The following USH2A variants were observed in gnomAD, a reference collection of about 807,000 sequenced individuals.
USH2A encodes usherin.
A neutral mutation model predicts 538.9 loss-of-function variants in USH2A; 443 were observed. That is an observed-to-expected ratio of 0.82 (90% confidence interval 0.76 to 0.89). The LOEUF (loss-of-function observed/expected upper bound fraction) is 0.89. USH2A is among the 40% of genes least tolerant of loss of function. The pLI is 0.00. For synonymous variants in USH2A, 2,413 were observed against 2,273.5 expected (o/e 1.06, Z -1.75); for missense variants, 6,633 against 6,324.8 (o/e 1.05, Z -1.65).
At chr1:216,167,590 C>T (rs1386124608) in intron 21 of USH2A, among the ~76,000 whole-genome samples, 1 of 152,034 alleles carries the variant, frequency 6.6e-6, no homozygotes, top group Non-Finnish European at 1.5e-5. Flanking sequence ...CGTGGACAGC[C>T]CACCCCAAGG....
rs536233025 is a variant in USH2A at position 216,230,896 on chromosome 1, T to A, written c.2993+1057A>T. Among the ~76,000 whole-genome samples the A allele has an allele frequency of 2.8e-3, 423 of 149,268 alleles. 5 individuals carry two copies. Among genetic ancestry groups the A allele is most frequent in the Admixed American group, 0.011 (163 of 14,912 alleles). ...ATCTCACTCTCTCTCTCTCTCTCTCTCTCACACACACACACACACACAGAC... is the reference window on the plus strand; with the variant it reads ...ATCTCACTCTCTCTCTCTCTCTCTCACTCACACACACACACACACACAGAC... On this transcript the variant is annotated intron_variant, in intron 14 of 71. Transcript: ENST00000307340.
In USH2A at chr1:215,759,648, C is replaced by A. The variant is rs765193999; in HGVS notation, c.11231+12G>T. ...CCTGCTGTATGATTGGTAAAGTTTT[C>A]TTTTAGTTTACCTGCTATTGGGCTC... On this transcript the variant is annotated intron_variant, in intron 57 of 71. Coordinates refer to ENST00000307340, the MANE Select transcript of USH2A (RefSeq NM_206933.4). 1.9e-6 allele frequency: 3 copies of A among 1,613,786 alleles called. No individual in the cohort carries two copies. Among genetic ancestry groups the A allele is most frequent in the Admixed American group, 1.7e-5 (1 of 59,998 alleles).
At chr1:216,352,207 T>C (rs1177868801) in intron 4 of USH2A, among the ~76,000 whole-genome samples, 2 of 152,012 alleles carry the variant, frequency 1.3e-5, no homozygotes, top group African/African-American at 4.8e-5. Flanking sequence ...TGAGTGTCTG[T>C]AGACACGGGA....
chr1:216,399,172 A>T (rs1199803179), intron 3 of USH2A, among the ~76,000 whole-genome samples: 1 of 152,168 alleles, frequency 6.6e-6, no homozygotes, highest in Admixed American at 6.5e-5. Flanking sequence ...CTGAAGCTCA[A>T]CATCCACCCA....
chr1:216,173,433 C>G (rs1242000239), intron 21 of USH2A, among the ~76,000 whole-genome samples: 1 of 152,132 alleles, frequency 6.6e-6, no homozygotes, highest in Non-Finnish European at 1.5e-5. Flanking sequence ...CACCAAAGCT[C>G]CAGGGAGTAG....
At chr1:216,098,303 T>C (rs977051324) in intron 21 of USH2A, among the ~76,000 whole-genome samples, 1 of 151,924 alleles carries the variant, frequency 6.6e-6, no homozygotes, top group Non-Finnish European at 1.5e-5. Context: ...ATATTAAATG[T>C]ATATGTCTTA....
intron 40 of USH2A, among the ~76,000 whole-genome samples, chr1:215,891,294 G>T (rs1476912969): frequency 1.3e-5 from 2 of 152,164 alleles, no homozygotes; most frequent in African/African-American, 4.8e-5. Flanking sequence ...TGGCTGAGTA[G>T]ATTCGCTGCT....
At chr1:215,872,662 G>T (rs1664654441) in intron 43 of USH2A, among the ~76,000 whole-genome samples, 1 of 152,046 alleles carries the variant, frequency 6.6e-6, no homozygotes, top group African/African-American at 2.4e-5. Flanking sequence ...ATATAGTTTG[G>T]ATATTTGTCC....
In USH2A at chr1:216,218,253, C is replaced by A. The variant is rs547926460; in HGVS notation, c.2994-703G>T. ...TTTAGTGCAACTTAAATTTCTTGGA[C>A]CCAAAGTTGCTTGTAAAAATACCAG... On this transcript the variant is annotated intron_variant, in intron 14 of 71. Coordinates refer to ENST00000307340, the MANE Select transcript of USH2A (RefSeq NM_206933.4). Among the ~76,000 whole-genome samples, 32 of 152,128 alleles carry A rather than the reference C, an allele frequency of 2.1e-4. 1 individual carries two copies. The South Asian group carries it at 6.6e-3, about 32-fold the overall frequency.
At chr1:216,140,492 T>C (rs2033581163) in intron 21 of USH2A, among the ~76,000 whole-genome samples, 1 of 152,172 alleles carries the variant, frequency 6.6e-6, no homozygotes, top group Non-Finnish European at 1.5e-5. Context: ...CTTTTACACG[T>C]GGCTGGCCCT....
intron 40 of USH2A, among the ~76,000 whole-genome samples, chr1:215,890,538 A>G (rs548772394): frequency 1.2e-3 from 177 of 152,268 alleles, no homozygotes; most frequent in African/African-American, 4.0e-3. Context: ...CAATTTGGTA[A>G]TGTATCCTAT....
Position 216,327,649 on chromosome 1 carries a change from C to G in USH2A, c.790G>C (p.Glu264Gln). The G allele has an allele frequency of 1.2e-6, 2 of 1,613,098 alleles. No individual in the cohort carries two copies. The highest frequency in any genetic ancestry group is 1.7e-6 in the Non-Finnish European group (2 of 1,179,430). Residue 264 changes from glutamate to glutamine, a missense_variant, in exon 5 of 72, where the codon GAG (glutamate) becomes CAG (glutamine). Coordinates refer to ENST00000307340, the MANE Select transcript of USH2A (RefSeq NM_206933.4). ...VQIGQSLNGL[E>Q]QFVGRMQDFR... Reference sequence around the variant, plus strand: ...TCTTGCATTCTTCCGACAAACTGCTCTAAACCTGCAAATACACACATGTGC... The same window carrying G: ...TCTTGCATTCTTCCGACAAACTGCTGTAAACCTGCAAATACACACATGTGC...
intron 11 of USH2A, among the ~76,000 whole-genome samples, chr1:216,272,908 A>G (rs1045955563): frequency 1.3e-5 from 2 of 152,116 alleles, no homozygotes; most frequent in African/African-American, 2.4e-5. Flanking sequence ...GTAAAAGTCA[A>G]AAGAGACTCC....
chr1:215,897,741 GAA>G (rs71556643), intron 40 of USH2A, among the ~76,000 whole-genome samples: 2 of 139,756 alleles, frequency 1.4e-5, no homozygotes, highest in Admixed American at 7.1e-5. Context: ...GAAAGAGAGA[GAA>G]AGAGAAAGAG....
chr1:216,036,401 A>G (rs1250361943), intron 32 of USH2A, among the ~76,000 whole-genome samples: 3 of 152,170 alleles, frequency 2.0e-5, no homozygotes, highest in Non-Finnish European at 4.4e-5. Flanking sequence ...GTATTTTGGT[A>G]TATGTCCATA....
At chr1:216,217,865 G>A (rs1475492125) in intron 14 of USH2A, among the ~76,000 whole-genome samples, 2 of 151,996 alleles carry the variant, frequency 1.3e-5, no homozygotes, top group African/African-American at 4.8e-5. Context: ...GAATCCAGTT[G>A]TTCAATTAAG....
At chr1:216,390,964 G>GA (rs1297213898) in intron 3 of USH2A, among the ~76,000 whole-genome samples, 1 of 152,088 alleles carries the variant, frequency 6.6e-6, no homozygotes. Context: ...CAAGTGGACC[G>GA]ACAAGAACAT....
chr1:215,993,152 C>T lies in USH2A; in HGVS notation c.6673G>A (p.Gly2225Arg), dbSNP rs138340157. The T allele has an allele frequency of 2.5e-6, 4 of 1,613,940 alleles. No homozygotes were observed. In the African/African-American group the frequency reaches 5.3e-5, roughly 22 times the overall value. ...TCACTGGCCTCACTCACTGTGCACC[C>T]ACCACCTGTGCAAGCCTAAACAGAG... is the stretch of plus-strand genomic sequence containing the variant. The part of the protein sequence containing the change: ...LIKLGACTGG[G>R]CTVSEASEAL... The change falls in exon 35 of 72, where the codon GGG (glycine) becomes AGG (arginine). Residue 2225 changes from glycine to arginine, a missense_variant. By Grantham distance (125) the Gly-to-Arg change is moderately radical. Coordinates refer to ENST00000307340, the MANE Select transcript of USH2A (RefSeq NM_206933.4).
At chr1:215,631,679 G>C (rs897442437) in intron 70 of USH2A, among the ~76,000 whole-genome samples, 2 of 152,194 alleles carry the variant, frequency 1.3e-5, no homozygotes, top group Non-Finnish European at 2.9e-5. Flanking sequence ...CCCTGCTGAG[G>C]ATGAGCCAGT....
Sources: allele counts gnomAD v4.1 joint callset (sites outside exome capture counted in the v4.1 genomes callset), GRCh38; gene constraint gnomAD v4.1.1; transcripts MANE v1.5; gene names NCBI Gene and HGNC (gene_info 2026-07-23, HGNC 2026-07-21).